GABBR2: variants seen among roughly 807,000 people sequenced by gnomAD.
The protein encoded by GABBR2 is G-protein coupled receptor 51.
GABBR2 carries 23 observed loss-of-function variants against 105.6 expected under a neutral mutation model. The observed-to-expected ratio is 0.22, with a 90% CI of 0.16 to 0.31. The LOEUF is 0.31. Among genes scored for constraint, GABBR2 ranks in the 10% least tolerant of loss-of-function variants. The pLI is 1.00. For synonymous variants in GABBR2, 478 were observed against 499.7 expected (o/e 0.96, Z 0.58); for missense variants, 734 against 1,245.5 (o/e 0.59, Z 6.18).
At chr9:98,615,987 G>A (rs375757165) in intron 1 of GABBR2, among the ~76,000 whole-genome samples, 19 of 152,198 alleles carry the variant, frequency 1.2e-4, no homozygotes, top group African/African-American at 4.6e-4. Flanking sequence ...GGTAAATTGT[G>A]AGAATTAAAT....
intron 3 of GABBR2, among the ~76,000 whole-genome samples, chr9:98,529,863 T>C (rs564642029): frequency 4.6e-5 from 7 of 152,302 alleles, no homozygotes; most frequent in Non-Finnish European, 8.8e-5. Context: ...CTTAGAGGCA[T>C]GCAGGGATCT....
chr9:98,340,477 CTTG>C (rs1222920371), intron 13 of GABBR2, among the ~76,000 whole-genome samples: 2 of 151,182 alleles, frequency 1.3e-5, no homozygotes, highest in Non-Finnish European at 2.9e-5. Context: ...CCAGGCTAGT[CTTG>C]AACTCCTAGG....
intron 6 of GABBR2, among the ~76,000 whole-genome samples, chr9:98,464,559 G>A (rs1368630240): frequency 6.6e-6 from 1 of 151,950 alleles, no homozygotes; most frequent in Non-Finnish European, 1.5e-5. Context: ...GCCCTGTCTG[G>A]GAAGTGAGGA....
rs533769002 is a variant in GABBR2, at chr9:98,311,528, A to G, written c.1894-323T>C. Among the ~76,000 whole-genome samples the G allele has an allele frequency of 4.6e-5, 7 of 152,350 alleles. No homozygotes were observed. In the East Asian group the frequency reaches 5.8e-4, roughly 13 times the overall value. On this transcript the variant is annotated intron_variant, in intron 13 of 18. Coordinates refer to ENST00000259455, the MANE Select transcript of GABBR2 (RefSeq NM_005458.8). ...AGGATCTAACACAAAACCTGGCCCA[A>G]TGCAGGTACCGCTAATATTTGTTGT...
chr9:98,432,034 TACAGGCATGTGCTACC>T (rs1224607426), intron 7 of GABBR2, among the ~76,000 whole-genome samples: 5 of 152,162 alleles, frequency 3.3e-5, no homozygotes, highest in African/African-American at 9.7e-5. Context: ...TAGCTGGGAC[TACAGGCATGTGCTACC>T]ACGCCCAGCT....
intron 1 of GABBR2, among the ~76,000 whole-genome samples, chr9:98,627,376 C>T (rs2131826110): frequency 6.6e-6 from 1 of 152,288 alleles, no homozygotes; most frequent in South Asian, 2.1e-4. Context: ...AGGAAACAGG[C>T]TACAGCTTCA....
At chr9:98,377,224 A>AGG (rs1588129607) in intron 11 of GABBR2, among the ~76,000 whole-genome samples, 1 of 71,120 alleles carries the variant, frequency 1.4e-5, no homozygotes, top group Non-Finnish European at 2.7e-5. Flanking sequence ...GGGTAGTGGC[A>AGG]GGAGGGGGTG....
intron 13 of GABBR2, among the ~76,000 whole-genome samples, chr9:98,326,027 T>G (rs1416851132): frequency 2.0e-5 from 3 of 152,176 alleles, no homozygotes; most frequent in Non-Finnish European, 4.4e-5. Context: ...ATATGCAGCC[T>G]TGTGCGAAAT....
At chr9:98,393,350 T>TCCATCCATCCATCCATCCAC in intron 9 of GABBR2, among the ~76,000 whole-genome samples, 1 of 147,468 alleles carries the variant, frequency 6.8e-6, no homozygotes. Context: ...CAACCATCCA[T>TCCATCCATCCATCCATCCAC]CCATCCATCC....
rs1295734332 is a variant in GABBR2 at position 98,288,164 on chromosome 9, T to C, written c.*2420A>G. 1 of 152,642 alleles carries C rather than the reference T, an allele frequency of 6.6e-6. No individual in the cohort carries two copies. Among genetic ancestry groups the C allele is most frequent in the Non-Finnish European group, 1.5e-5 (1 of 68,044 alleles). 9.5% of individuals were successfully genotyped at this position (152,642 alleles called of 1,614,324 possible). On this transcript the variant is annotated 3_prime_UTR_variant, in exon 19 of 19. Coordinates refer to ENST00000259455, the MANE Select transcript of GABBR2 (RefSeq NM_005458.8). ...AAAAATCGATACCATGCAGTAGGGG[T>C]ACGAGAAATTCCTCATTTACATTTG...
chr9:98,497,637 C>A (rs1827308636), intron 3 of GABBR2, among the ~76,000 whole-genome samples: 1 of 152,172 alleles, frequency 6.6e-6, no homozygotes, highest in Admixed American at 6.5e-5. Context: ...TGATTCTTCC[C>A]TTCTCTGGGC....
At chr9:98,708,356 T>G in intron 1 of GABBR2, 61 bp downstream of exon 1, 1 of 1,295,690 alleles carries the variant, frequency 7.7e-7, no homozygotes, top group Non-Finnish European at 9.9e-7. Flanking sequence ...GTTGCCTGTG[T>G]CCAAACCACC....
At chr9:98,361,064 T>C (rs1831573402) in intron 13 of GABBR2, among the ~76,000 whole-genome samples, 1 of 152,120 alleles carries the variant, frequency 6.6e-6, no homozygotes, top group Admixed American at 6.5e-5. Flanking sequence ...TTTCTCCTCA[T>C]CTGTAGAAGG....
intron 11 of GABBR2, among the ~76,000 whole-genome samples, chr9:98,380,812 G>A (rs1831960200): frequency 6.6e-6 from 1 of 152,200 alleles, no homozygotes; most frequent in East Asian, 1.9e-4. Context: ...ACCCACCCTC[G>A]TCCGAGCAGA....
chr9:98,342,391 C>T (rs887522829), intron 13 of GABBR2, among the ~76,000 whole-genome samples: 81 of 152,002 alleles, frequency 5.3e-4, no homozygotes, highest in African/African-American at 1.9e-3. Flanking sequence ...GCTAGGGAGG[C>T]GAGCCAGCCG....
chr9:98,576,583 GT>G (rs1314601520), intron 2 of GABBR2, among the ~76,000 whole-genome samples: 2 of 152,114 alleles, frequency 1.3e-5, no homozygotes, highest in Non-Finnish European at 2.9e-5. Context: ...CTAGCTGTGA[GT>G]CCTTGTGCAA....
At chr9:98,435,411 A>C (rs1205446744) in intron 7 of GABBR2, among the ~76,000 whole-genome samples, 2 of 152,194 alleles carry the variant, frequency 1.3e-5, no homozygotes, top group Non-Finnish European at 2.9e-5. Context: ...GTAAAACACC[A>C]AGCCCTATCA....
At chr9:98,684,427 T>C (rs1205916226) in intron 1 of GABBR2, among the ~76,000 whole-genome samples, 2 of 152,174 alleles carry the variant, frequency 1.3e-5, no homozygotes, top group Non-Finnish European at 2.9e-5. Context: ...AAATGCAAAC[T>C]CTCCAAATAT....
intron 1 of GABBR2, among the ~76,000 whole-genome samples, chr9:98,684,733 G>A (rs1830599271): frequency 6.6e-6 from 1 of 152,196 alleles, no homozygotes; most frequent in East Asian, 1.9e-4. Flanking sequence ...CAAAAGCAGA[G>A]TGAAAGCAAC....
Sources: allele counts gnomAD v4.1 joint callset (sites outside exome capture counted in the v4.1 genomes callset), GRCh38; gene constraint gnomAD v4.1.1; transcripts MANE v1.5; gene names NCBI Gene and HGNC (gene_info 2026-07-23, HGNC 2026-07-21).